Variants in HPSE2 observed in about 807,000 individuals in gnomAD.
The protein encoded by HPSE2 is heparanase 2 (inactive), also known as inactive heparanase-2.
Under a neutral mutation model 60.5 loss-of-function variants are expected in HPSE2, and 38 were observed. The ratio of observed to expected loss-of-function variants is 0.63; its 90% confidence interval spans 0.48 to 0.82. The LOEUF (loss-of-function observed/expected upper bound fraction) is 0.82, where lower values mean the gene tolerates loss of function less well. HPSE2 is among the 40% of genes least tolerant of loss of function. The probability of loss-of-function intolerance (pLI) is 0.00; values close to 1 mark genes in which losing one functional copy is unlikely to be tolerated. For synonymous variants in HPSE2, 295 were observed against 293.2 expected (o/e 1.01, Z -0.06); for missense variants, 713 against 740.4 (o/e 0.96, Z 0.43).
rs375987717 is a variant in HPSE2 at position 98,909,852 on chromosome 10, C to T, written c.611-165796G>A. On this transcript the variant is annotated intron_variant, in intron 3 of 11. Coordinates refer to ENST00000370552, the MANE Select transcript of HPSE2 (RefSeq NM_021828.5). Reference sequence around the variant, plus strand: ...ACATAAAAGTTTAGTAAACTATACTCGTGATGGAATATTAGGCAACCATTA... The same window carrying T: ...ACATAAAAGTTTAGTAAACTATACTTGTGATGGAATATTAGGCAACCATTA... Among the ~76,000 whole-genome samples the T allele has an allele frequency of 3.9e-5, 6 of 151,976 alleles. No homozygotes were observed. In the East Asian group the frequency reaches 9.7e-4, roughly 25 times the overall value.
At chr10:98,926,141 C>A (rs1033070493) in intron 3 of HPSE2, among the ~76,000 whole-genome samples, 66 of 152,148 alleles carry the variant, frequency 4.3e-4, no homozygotes, top group African/African-American at 1.6e-3. Context: ...AGAAAGTGAA[C>A]CTCAAAAGGG....
At chr10:99,265,096 A>C in the HPSE2 span, among the ~76,000 whole-genome samples, 1 of 152,202 alleles carries the variant, frequency 6.6e-6, no homozygotes, top group Non-Finnish European at 1.5e-5. Context: ...AAAAGAAGTG[A>C]AAATAGCCTT....
At chr10:99,238,714 CTA>C (rs1156964599), upstream of HPSE2, among the ~76,000 whole-genome samples, 1 of 152,160 alleles carries the variant, frequency 6.6e-6, no homozygotes, top group Non-Finnish European at 1.5e-5. Context: ...TGCCTCTTAT[CTA>C]TTAATATGCT....
chr10:99,248,108 A>G, the HPSE2 span, among the ~76,000 whole-genome samples: 13 of 152,360 alleles, frequency 8.5e-5, no homozygotes, highest in Non-Finnish European at 1.8e-4. Flanking sequence ...TGCTATAAAG[A>G]TATCTGAAAA....
At chr10:99,138,861 T>C (rs1283990061) in intron 3 of HPSE2, among the ~76,000 whole-genome samples, 1 of 152,192 alleles carries the variant, frequency 6.6e-6, no homozygotes, top group Admixed American at 6.5e-5. Flanking sequence ...CTGCATGTTC[T>C]GCACATGTAC....
chr10:99,305,979 G>GCGCGCGCGCGCGCGCGCACACA, the HPSE2 span, among the ~76,000 whole-genome samples: 2 of 80,580 alleles, frequency 2.5e-5, no homozygotes, highest in Non-Finnish European at 4.8e-5. Context: ...GCGCGCGCGC[G>GCGCGCGCGCGCGCGCGCACACA]CACACACACA....
At chr10:98,891,770 GTATTT>G (rs1953342585) in intron 3 of HPSE2, among the ~76,000 whole-genome samples, 2 of 151,874 alleles carry the variant, frequency 1.3e-5, no homozygotes, top group African/African-American at 4.8e-5. Context: ...GTTAAATTCT[GTATTT>G]TATTTTATTT....
intron 3 of HPSE2, among the ~76,000 whole-genome samples, chr10:98,985,335 T>G (rs1165486139): frequency 6.6e-6 from 1 of 152,204 alleles, no homozygotes; most frequent in South Asian, 2.1e-4. Flanking sequence ...GGGGCCAATA[T>G]TCAACATTCT....
At chr10:98,633,312 ACCTCAG>A (rs1262193969) in intron 7 of HPSE2, among the ~76,000 whole-genome samples, 1 of 151,808 alleles carries the variant, frequency 6.6e-6, no homozygotes, top group African/African-American at 2.4e-5. Flanking sequence ...CAATCCTCCC[ACCTCAG>A]CCTCCCAAGT....
At chr10:99,123,205 A>G (rs1044443474) in intron 3 of HPSE2, among the ~76,000 whole-genome samples, 1 of 152,232 alleles carries the variant, frequency 6.6e-6, no homozygotes, top group Non-Finnish European at 1.5e-5. Context: ...TTTGCAATAC[A>G]TATGACAAAG....
chr10:98,656,403 A>G (rs1428077301), intron 6 of HPSE2, among the ~76,000 whole-genome samples: 1 of 152,032 alleles, frequency 6.6e-6, no homozygotes, highest in Non-Finnish European at 1.5e-5. Context: ...GATTTTCTAC[A>G]CTTTCATTTA....
At chr10:98,709,079 A>T (rs549140913) in intron 5 of HPSE2, among the ~76,000 whole-genome samples, 1 of 152,288 alleles carries the variant, frequency 6.6e-6, no homozygotes, top group Admixed American at 6.5e-5. Context: ...AATTCCAAAA[A>T]GATCATTATT....
chr10:98,755,147 T>C (rs754344804), intron 3 of HPSE2, among the ~76,000 whole-genome samples: 1 of 152,050 alleles, frequency 6.6e-6, no homozygotes, highest in Non-Finnish European at 1.5e-5. Flanking sequence ...CATGCAATGA[T>C]TCATAAGCTC....
At chr10:98,888,344 A>G (rs1162480744) in intron 3 of HPSE2, among the ~76,000 whole-genome samples, 3 of 151,846 alleles carry the variant, frequency 2.0e-5, no homozygotes, top group African/African-American at 7.2e-5. Flanking sequence ...TAAAGAAATC[A>G]TCTTTACTGA....
At chr10:99,062,245 C>T (rs892168796) in intron 3 of HPSE2, among the ~76,000 whole-genome samples, 2 of 152,154 alleles carry the variant, frequency 1.3e-5, no homozygotes, top group African/African-American at 4.8e-5. Context: ...TTCTAGATTT[C>T]AGATTGGCTA....
chr10:98,782,901 C>T (rs1415890530), intron 3 of HPSE2, among the ~76,000 whole-genome samples: 5 of 50,988 alleles, frequency 9.8e-5, no homozygotes, highest in Non-Finnish European at 2.7e-4. Flanking sequence ...GGTCTACTTC[C>T]CTGTTTGTTT....
intron 9 of HPSE2, among the ~76,000 whole-genome samples, chr10:98,608,007 A>T (rs1945641991): frequency 6.6e-6 from 1 of 152,206 alleles, no homozygotes; most frequent in Non-Finnish European, 1.5e-5. Flanking sequence ...GTGGTAAAAG[A>T]TACATATTCA....
At chr10:98,858,882 C>A (rs1049198180) in intron 3 of HPSE2, among the ~76,000 whole-genome samples, 1 of 152,146 alleles carries the variant, frequency 6.6e-6, no homozygotes, top group Non-Finnish European at 1.5e-5. Context: ...CAGAAATCAG[C>A]ACTATAGTCC....
the HPSE2 span, among the ~76,000 whole-genome samples, chr10:99,294,969 A>C: frequency 6.6e-6 from 1 of 151,548 alleles, no homozygotes; most frequent in Non-Finnish European, 1.5e-5. Flanking sequence ...ACACACACAC[A>C]TTTTCACTCA....
Sources: allele counts gnomAD v4.1 joint callset (sites outside exome capture counted in the v4.1 genomes callset), GRCh38; gene constraint gnomAD v4.1.1; transcripts MANE v1.5; gene names NCBI Gene and HGNC (gene_info 2026-07-23, HGNC 2026-07-21).